ZNF713: variants seen among roughly 807,000 people sequenced by gnomAD.
ZNF713 encodes zinc finger protein 713.
In ZNF713, 21 loss-of-function variants were observed where a neutral mutation model predicts 28.7. That is an observed-to-expected ratio of 0.73 (90% confidence interval 0.52 to 1.05). The LOEUF is 1.05. Ranked by LOEUF, ZNF713 falls within the 50% of genes least tolerant of loss-of-function variation. ZNF713 has a pLI of 0.00. For synonymous variants in ZNF713, 167 were observed against 178.0 expected, an observed-to-expected ratio of 0.94 and a Z score of 0.49; for missense variants, 458 against 532.4, an observed-to-expected ratio of 0.86 and a Z score of 1.37.
At chr7:55,932,909 A>AAG (rs201016830) in intron 6 of ZNF713, among the ~76,000 whole-genome samples, 1,820 of 145,602 alleles carry the variant, frequency 0.012, 75 homozygotes, top group African/African-American at 0.045. Context: ...AAAAAAAAAA[A>AAG]AGAAGCTACA....
At chr7:55,889,760 A>T (rs778228180) in intron 1 of ZNF713, among the ~76,000 whole-genome samples, 3 of 152,240 alleles carry the variant, frequency 2.0e-5, no homozygotes, top group Non-Finnish European at 2.9e-5. Flanking sequence ...AAAGAGGACT[A>T]TATAAATCTT....
chr7:55,923,152 G>C lies in ZNF713; in HGVS notation c.88-10G>C, dbSNP rs902655102. On this transcript the variant is annotated splice_polypyrimidine_tract_variant and intron_variant, in intron 4 of 6. Transcript: ENST00000429591. Reference sequence around the variant, plus strand: ...TTTTTGCCTGAGCAGGGATGTGCTTGATGTTTCAGGAATCACTGACGTTTC... The same window carrying C: ...TTTTTGCCTGAGCAGGGATGTGCTTCATGTTTCAGGAATCACTGACGTTTC... The C allele has an allele frequency of 4.3e-6, 7 of 1,609,854 alleles. No homozygotes were observed. In the East Asian group the frequency reaches 1.6e-4, roughly 36 times the overall value.
chr7:55,896,809 T>C (rs1254514875), intron 1 of ZNF713, among the ~76,000 whole-genome samples: 1 of 152,004 alleles, frequency 6.6e-6, no homozygotes, highest in Non-Finnish European at 1.5e-5. Context: ...CAGGGCACTT[T>C]GGAGAAACGG....
intron 1 of ZNF713, among the ~76,000 whole-genome samples, chr7:55,905,580 G>A (rs1785663115): frequency 6.6e-6 from 1 of 151,938 alleles, no homozygotes; most frequent in South Asian, 2.1e-4. Flanking sequence ...GTACTGAAAA[G>A]AAAAATGGAT....
rs909066742 is a variant in ZNF713 at position 55,940,095 on chromosome 7, A to G, written c.*89A>G. On this transcript the variant is annotated 3_prime_UTR_variant, in exon 7 of 7. Coordinates refer to ENST00000429591, the MANE Select transcript of ZNF713 (RefSeq NM_182633.3). ...TCCCATTCAATATCAAATTATTCAT[A>G]GTGGAGAGAAAGCTTATACATAAAT... is the stretch of plus-strand genomic sequence containing the variant. 6.8e-7 allele frequency: 1 copy of G among 1,476,930 alleles called. No individual in the cohort carries two copies. The highest frequency in any genetic ancestry group is 8.9e-7 in the Non-Finnish European group (1 of 1,120,296). 91.5% of individuals were successfully genotyped at this position (1,476,930 alleles called of 1,614,324 possible). A position where few individuals can be genotyped will look rare whatever the true frequency, so the allele number is the denominator to read the frequency against.
At chr7:55,887,825 G>A (rs1355300985) in intron 1 of ZNF713, 145 bp downstream of exon 1, 66 of 4,892 alleles carry the variant, frequency 0.013, 17 homozygotes, top group African/African-American at 0.031. Context: ...GGCGGGCGGC[G>A]GGCGGCGGGC....
In ZNF713 at chr7:55,891,614, G is replaced by T. The variant is rs142691098; in HGVS notation, c.-583+3934G>T. 3.3e-5 allele frequency among the ~76,000 whole-genome samples: 5 copies of T among 152,228 alleles called. No individual in the cohort carries two copies. The East Asian group carries it at 9.7e-4, about 29-fold the overall frequency. On this transcript the variant is annotated intron_variant, in intron 1 of 6. Coordinates refer to ENST00000429591, the MANE Select transcript of ZNF713 (RefSeq NM_182633.3). Reference sequence around the variant, plus strand: ...AGGCTGAGGAAGGAGGAGCTCTTGAGCCCAGGCGTTTGAGGCTGCAGTGTG... The same window carrying T: ...AGGCTGAGGAAGGAGGAGCTCTTGATCCCAGGCGTTTGAGGCTGCAGTGTG...
At chr7:55,887,771 A>G (rs1332199450) in intron 1 of ZNF713, 91 bp downstream of exon 1, 4 of 602 alleles carry the variant, frequency 6.6e-3, no homozygotes, top group Admixed American at 0.012. Context: ...CGGGGGGCGG[A>G]GGCGGGGGGC....
intron 2 of ZNF713, among the ~76,000 whole-genome samples, chr7:55,906,807 C>T (rs936534628): frequency 1.3e-5 from 2 of 152,094 alleles, no homozygotes; most frequent in Admixed American, 6.6e-5. Context: ...ACATGGTGGT[C>T]GTAAGCAGCA....
chr7:55,916,963 C>T (rs1230007112), intron 4 of ZNF713, among the ~76,000 whole-genome samples: 6 of 152,020 alleles, frequency 3.9e-5, no homozygotes, highest in Non-Finnish European at 5.9e-5. Context: ...ACCTGTAATC[C>T]CAGCACTTTG....
chr7:55,926,867 A>G (rs554774194), intron 6 of ZNF713, among the ~76,000 whole-genome samples: 2 of 152,192 alleles, frequency 1.3e-5, no homozygotes, highest in African/African-American at 2.4e-5. Flanking sequence ...ACAGTGGCTC[A>G]TGGCTCATGC....
intron 4 of ZNF713, among the ~76,000 whole-genome samples, chr7:55,921,769 T>G (rs536144599): frequency 2.6e-5 from 4 of 152,178 alleles, no homozygotes; most frequent in South Asian, 2.1e-4. Context: ...TTCCATAAAC[T>G]TATTAGATAA....
chr7:55,916,596 C>T (rs895362040), intron 4 of ZNF713, among the ~76,000 whole-genome samples: 1 of 152,194 alleles, frequency 6.6e-6, no homozygotes, highest in Non-Finnish European at 1.5e-5. Flanking sequence ...CCATGCCTGG[C>T]ATATATATAG....
rs1358720400 is a variant in ZNF713 at position 55,899,437 on chromosome 7, G to T, written c.-582-6816G>T. 3.6e-4 allele frequency among the ~76,000 whole-genome samples: 42 copies of T among 118,222 alleles called. 1 individual carries two copies. Among genetic ancestry groups the T allele is most frequent in the Admixed American group, 9.6e-4 (11 of 11,434 alleles). 77.6% of individuals were successfully genotyped at this position (118,222 alleles called of 152,430 possible). ...CCCAGCACTTTGGGAGGCCGAGGGG[G>T]GGGGGGGGGTTGATCACAAGGTCAG... On this transcript the variant is annotated intron_variant, in intron 1 of 6. Coordinates refer to ENST00000429591, the MANE Select transcript of ZNF713 (RefSeq NM_182633.3).
chr7:55,904,082 G>GCCAGACTGTATCTTTAAAAA lies in ZNF713; in HGVS notation c.-582-2171_-582-2170insCCAGACTGTATCTTTAAAAA. Among the ~76,000 whole-genome samples, 263 of 126,464 alleles carry GCCAGACTGTATCTTTAAAAA rather than the reference G, an allele frequency of 2.1e-3. 8 individuals carry two copies. Among genetic ancestry groups the GCCAGACTGTATCTTTAAAAA allele is most frequent in the Middle Eastern group, 7.6e-3 (2 of 262 alleles). The allele number at this position is 126,464 out of a possible 152,430, so 83.0% of individuals were successfully genotyped here. Reference sequence around the variant, plus strand: ...ATAAAAGGCAGGCAAAGGAAAAAGAGACTAGATCACAGCTCCCTGAGAGAG... The same window carrying GCCAGACTGTATCTTTAAAAA: ...ATAAAAGGCAGGCAAAGGAAAAAGAGCCAGACTGTATCTTTAAAAAACTAGATCACAGCTCCCTGAGAGAG... On this transcript the variant is annotated intron_variant, in intron 1 of 6. Coordinates refer to ENST00000429591, the MANE Select transcript of ZNF713 (RefSeq NM_182633.3).
intron 6 of ZNF713, among the ~76,000 whole-genome samples, chr7:55,927,896 C>CAAAAAAAA (rs71533249): frequency 0.23 from 10,441 of 44,902 alleles, 3,770 homozygotes; most frequent in African/African-American, 0.29. Flanking sequence ...GACTCTGTCT[C>CAAAAAAAA]AAAAAAAAAA....
chr7:55,923,595 T>C lies in ZNF713; in HGVS notation c.215-12T>C, dbSNP rs1328265388. The C allele has an allele frequency of 1.9e-6, 3 of 1,580,786 alleles. No homozygotes were observed. In the South Asian group the frequency reaches 3.5e-5, roughly 18 times the overall value. ...TACAAACTCCTAAGATGTATGTTAC[T>C]CCTGTGAATAGGGTATCAGCTTTGT... On this transcript the variant is annotated splice_polypyrimidine_tract_variant and intron_variant, in intron 5 of 6. Coordinates refer to ENST00000429591, the MANE Select transcript of ZNF713 (RefSeq NM_182633.3).
chr7:55,914,747 A>C (rs1785849535), intron 4 of ZNF713, among the ~76,000 whole-genome samples: 1 of 152,208 alleles, frequency 6.6e-6, no homozygotes, highest in South Asian at 2.1e-4. Flanking sequence ...CTTGAGCAAG[A>C]GCAGGGACAA....
intron 6 of ZNF713, among the ~76,000 whole-genome samples, chr7:55,926,869 G>A (rs1278332880): frequency 6.6e-6 from 1 of 152,228 alleles, no homozygotes; most frequent in Non-Finnish European, 1.5e-5. Context: ...AGTGGCTCAT[G>A]GCTCATGCCT....
Sources: allele counts gnomAD v4.1 joint callset (sites outside exome capture counted in the v4.1 genomes callset), GRCh38; gene constraint gnomAD v4.1.1; transcripts MANE v1.5; gene names NCBI Gene and HGNC (gene_info 2026-07-23, HGNC 2026-07-21).